Variants in ENAH observed in about 807,000 individuals in gnomAD.
ENAH encodes the protein ENAH actin regulator.
ENAH carries 23 observed loss-of-function variants against 78.7 expected under a neutral mutation model. The ratio of observed to expected loss-of-function variants is 0.29; its 90% CI spans 0.21 to 0.41. The LOEUF is 0.41. ENAH is among the 10% of genes least tolerant of loss of function. The pLI is 1.00. For synonymous variants in ENAH, 226 were observed against 241.0 expected (o/e 0.94, Z 0.58); for missense variants, 544 against 691.0 (o/e 0.79, Z 2.39).
intron 3 of ENAH, among the ~76,000 whole-genome samples, chr1:225,549,786 T>G (rs1418723198): frequency 6.6e-6 from 1 of 152,200 alleles, no homozygotes; most frequent in East Asian, 1.9e-4. Flanking sequence ...GTGGCAGGTA[T>G]AGCCAGCACT....
rs370782388 is a variant in ENAH at position 225,519,438 on chromosome 1, G to T, written c.562C>A (p.Gln188Lys). The T allele has an allele frequency of 1.2e-5, 19 of 1,613,506 alleles. No individual in the cohort carries two copies. The highest frequency in any genetic ancestry group is 8.0e-5 in the African/African-American group (6 of 74,940). ...RERLERERLEQEQLERERQER... is the reference protein window; with the variant it reads ...RERLERERLEKEQLERERQER... Reference sequence around the variant, plus strand: ...TGTCTCTCTCTCTCCAGCTGTTCTTGTTCCAGTCGCTCCCTCTCCAGCCTT... The same window carrying T: ...TGTCTCTCTCTCTCCAGCTGTTCTTTTTCCAGTCGCTCCCTCTCCAGCCTT... Residue 188 changes from glutamine (Q) to lysine (K), a missense_variant, in exon 5 of 14, where the codon CAA (glutamine) becomes AAA (lysine). Gln to Lys is a moderately conservative substitution (Grantham distance 53). Around this residue, in one of 4 missense-constraint regions of ENAH, gnomAD observed 366 missense variants for 396.1 expected, o/e 0.92. Transcript: ENST00000366843.
At chr1:225,632,000 G>A (rs1481303107) in intron 1 of ENAH, among the ~76,000 whole-genome samples, 1 of 151,996 alleles carries the variant, frequency 6.6e-6, no homozygotes, top group South Asian at 2.1e-4. Context: ...GCCTTTGTAG[G>A]TAACTAGTAA....
chr1:225,566,556 T>C (rs897274084), intron 2 of ENAH, among the ~76,000 whole-genome samples: 5 of 152,212 alleles, frequency 3.3e-5, no homozygotes, highest in Non-Finnish European at 7.3e-5. Context: ...ACATCTTTGG[T>C]AAATATTTTT....
In ENAH at chr1:225,622,629, T is replaced by C. The variant is rs970078991; in HGVS notation, c.5+30057A>G. Reference sequence around the variant, plus strand: ...TTGGTGAGGGCATGCTGTTCATGGATGGCACCTTCTATTTGTCCTCATATG... The same window carrying C: ...TTGGTGAGGGCATGCTGTTCATGGACGGCACCTTCTATTTGTCCTCATATG... On this transcript the variant is annotated intron_variant, in intron 1 of 13. Coordinates refer to ENST00000366843, the MANE Select transcript of ENAH (RefSeq NM_018212.6). 7.2e-5 allele frequency among the ~76,000 whole-genome samples: 11 copies of C among 152,264 alleles called. No individual in the cohort carries two copies. In the East Asian group the frequency reaches 2.1e-3, roughly 29 times the overall value.
At chr1:225,567,024 T>C (rs182639795) in intron 2 of ENAH, among the ~76,000 whole-genome samples, 73 of 152,334 alleles carry the variant, frequency 4.8e-4, no homozygotes, top group Non-Finnish European at 8.4e-4. Context: ...TGAAAATTCA[T>C]CATAAAAGAA....
At chr1:225,528,555 G>A (rs2151243431) in intron 4 of ENAH, among the ~76,000 whole-genome samples, 1 of 152,196 alleles carries the variant, frequency 6.6e-6, no homozygotes, top group South Asian at 2.1e-4. Flanking sequence ...GTAGATTGAG[G>A]AGTCCTGTAA....
intron 3 of ENAH, among the ~76,000 whole-genome samples, chr1:225,550,991 T>G (rs2096638173): frequency 6.6e-6 from 1 of 152,162 alleles, no homozygotes; most frequent in African/African-American, 2.4e-5. Context: ...AAAATTAACT[T>G]TGTAGTTTAT....
At chr1:225,570,062 T>C (rs1473906047) in intron 1 of ENAH, among the ~76,000 whole-genome samples, 2 of 150,526 alleles carry the variant, frequency 1.3e-5, no homozygotes, top group African/African-American at 4.9e-5. Flanking sequence ...AAAAATTAGC[T>C]GGGTGTGGTG....
At chr1:225,614,334 C>T (rs1236035502) in intron 1 of ENAH, among the ~76,000 whole-genome samples, 2 of 152,144 alleles carry the variant, frequency 1.3e-5, no homozygotes, top group African/African-American at 4.8e-5. Flanking sequence ...GCTGGGATTA[C>T]AGGTGTGAGC....
intron 3 of ENAH, among the ~76,000 whole-genome samples, chr1:225,537,581 G>A (rs188573717): frequency 1.3e-5 from 2 of 152,146 alleles, no homozygotes; most frequent in African/African-American, 4.8e-5. Context: ...AGCAGAATAA[G>A]GGAAAGAACA....
chr1:225,526,106 T>C (rs2096502360), intron 4 of ENAH, among the ~76,000 whole-genome samples: 1 of 152,194 alleles, frequency 6.6e-6, no homozygotes, highest in Non-Finnish European at 1.5e-5. Context: ...AGACGATCAA[T>C]GAGTTCCAGC....
rs1325154263 is a variant in ENAH, at chr1:225,508,640, CA to C, written c.1472-624del. On this transcript the variant is annotated intron_variant, in intron 10 of 13. Transcript: ENST00000366843. ...ACAAGCTCGCTCTAAGCTCTTATTA[CA>C]AAAGACACTATGTAGTCAGTGACTC... The C allele has an allele frequency of 2.6e-5, 4 of 152,362 alleles. No individual in the cohort carries two copies. In the East Asian group the frequency reaches 7.7e-4, roughly 29 times the overall value. The allele number at this position is 152,362 out of a possible 1,614,324, so 9.4% of individuals were successfully genotyped here. A position where few individuals can be genotyped will look rare whatever the true frequency, so the allele number is the denominator to read the frequency against.
chr1:225,514,500 A>G (rs1191796577), intron 7 of ENAH, 96 bp downstream of exon 7: 4 of 1,030,142 alleles, frequency 3.9e-6, no homozygotes, highest in Admixed American at 3.9e-5. Flanking sequence ...AATGAAGTTC[A>G]TAACATTTCA....
chr1:225,652,402 C>A, intron 1 of ENAH: 1 of 985,318 alleles, frequency 1.0e-6, no homozygotes, highest in South Asian at 4.7e-5. Context: ...GGGGAGGGAG[C>A]CAGGCGCAAA....
chr1:225,587,129 A>G (rs1386785184), intron 1 of ENAH, among the ~76,000 whole-genome samples: 1 of 152,198 alleles, frequency 6.6e-6, no homozygotes, highest in Non-Finnish European at 1.5e-5. Context: ...CCCTAAGGTC[A>G]GGTAGAAGGC....
At chr1:225,497,950 C>A in intron 13 of ENAH, 138 bp from the exon 14 acceptor site, 1 of 649,092 alleles carries the variant, frequency 1.5e-6, no homozygotes, top group South Asian at 2.1e-5. Context: ...TTTCATTGCA[C>A]ACATCTTTAA....
At chr1:225,593,836 AT>A (rs1158373882) in intron 1 of ENAH, among the ~76,000 whole-genome samples, 1 of 152,188 alleles carries the variant, frequency 6.6e-6, no homozygotes, top group Non-Finnish European at 1.5e-5. Flanking sequence ...AATTATTACA[AT>A]TTTTTAAAGC....
chr1:225,537,100 C>A (rs958881428), intron 3 of ENAH, among the ~76,000 whole-genome samples: 141 of 151,876 alleles, frequency 9.3e-4, no homozygotes, highest in African/African-American at 3.3e-3. Flanking sequence ...CAGGTTTTAC[C>A]CTTCAGTTCC....
At chr1:225,596,340 C>T (rs2096901827) in intron 1 of ENAH, among the ~76,000 whole-genome samples, 4 of 152,170 alleles carry the variant, frequency 2.6e-5, no homozygotes, top group East Asian at 1.9e-4. Flanking sequence ...GATCCTTCTA[C>T]GAGTCAGAAC....
Sources: allele counts gnomAD v4.1 joint callset (sites outside exome capture counted in the v4.1 genomes callset), GRCh38; gene constraint gnomAD v4.1.1; regional missense constraint gnomAD v4.1.1; transcripts MANE v1.5; gene names NCBI Gene and HGNC (gene_info 2026-07-23, HGNC 2026-07-21).